The following TMED3 variants were observed in gnomAD, a reference collection of about 807,000 sequenced individuals.
The protein encoded by TMED3 is transmembrane emp24 domain-containing protein 3.
Under a neutral mutation model 15.0 loss-of-function variants are expected in TMED3, and 9 were observed. The ratio of observed to expected loss-of-function variants is 0.60; its 90% CI spans 0.36 to 1.04. The LOEUF (loss-of-function observed/expected upper bound fraction) is 1.04. TMED3 is among the 50% of genes least tolerant of loss of function. The probability of loss-of-function intolerance (pLI) is 0.01; values close to 1 mark genes in which losing one functional copy is unlikely to be tolerated. For missense variants in TMED3, 267 were observed against 278.9 expected (o/e 0.96, Z 0.30); for synonymous variants, 117 against 121.4 (o/e 0.96, Z 0.24).
At chr15:79,384,627 G>C (rs1341462963) in intron 2 of TMED3, 1 of 152,238 alleles carries the variant, frequency 6.6e-6, no homozygotes, top group Non-Finnish European at 1.5e-5. Flanking sequence ...ACTCAAGTAG[G>C]TGATGAGATT....
chr15:79,311,545 G>A, intron 1 of TMED3, 128 bp downstream of exon 1: 1 of 1,173,118 alleles, frequency 8.5e-7, no homozygotes, highest in South Asian at 1.6e-5. Flanking sequence ...TGGGGTGGGA[G>A]TCCCCGGAGA....
intron 2 of TMED3, among the ~76,000 whole-genome samples, chr15:79,410,184 A>G (rs1022557882): frequency 2.6e-5 from 4 of 152,200 alleles, no homozygotes; most frequent in African/African-American, 7.2e-5. Flanking sequence ...ATAATTCTAT[A>G]TGCTTAGAAT....
intron 2 of TMED3, among the ~76,000 whole-genome samples, chr15:79,343,604 A>G (rs2058858832): frequency 6.6e-6 from 1 of 152,014 alleles, no homozygotes; most frequent in African/African-American, 2.4e-5. Context: ...AAGGGTCACT[A>G]TGGCTGCTTT....
At chr15:79,319,085 T>C (rs1379569870) in intron 2 of TMED3, among the ~76,000 whole-genome samples, 1 of 152,170 alleles carries the variant, frequency 6.6e-6, no homozygotes, top group Non-Finnish European at 1.5e-5. Context: ...AGGACAGAGG[T>C]ACTCATGGGG....
intron 2 of TMED3, among the ~76,000 whole-genome samples, chr15:79,343,107 G>C (rs974034622): frequency 3.9e-5 from 6 of 152,262 alleles, no homozygotes; most frequent in African/African-American, 9.6e-5. Flanking sequence ...ATGGAGATAA[G>C]AATTGGTGTG....
chr15:79,386,166 G>A (rs909739500), intron 2 of TMED3, among the ~76,000 whole-genome samples: 4 of 152,160 alleles, frequency 2.6e-5, no homozygotes, highest in South Asian at 2.1e-4. Context: ...TAATGGGTAC[G>A]GAGTTTCAGT....
intron 2 of TMED3, among the ~76,000 whole-genome samples, chr15:79,393,934 C>T (rs1275859511): frequency 3.9e-5 from 6 of 152,126 alleles, no homozygotes; most frequent in African/African-American, 1.4e-4. Flanking sequence ...TGAGCTCAAG[C>T]GATCCTCCCA....
intron 2 of TMED3, among the ~76,000 whole-genome samples, chr15:79,395,098 T>G (rs960276533): frequency 6.6e-6 from 1 of 152,234 alleles, no homozygotes; most frequent in Admixed American, 6.5e-5. Flanking sequence ...TGCCTTCTGT[T>G]GGCCTGATAA....
intron 2 of TMED3, chr15:79,384,380 A>C (rs746994665): frequency 2.6e-5 from 4 of 152,242 alleles, no homozygotes; most frequent in Non-Finnish European, 4.4e-5. Flanking sequence ...AAAGATATAT[A>C]CATCATTGTC....
intron 2 of TMED3, among the ~76,000 whole-genome samples, chr15:79,341,195 CAAAAAAAAAA>C (rs58885572): frequency 1.7e-5 from 1 of 58,346 alleles, no homozygotes; most frequent in Non-Finnish European, 2.8e-5. Flanking sequence ...GACCCTGTCT[CAAAAAAAAAA>C]AAAAAAAAAA....
At chr15:79,391,951 T>G (rs899755564) in intron 2 of TMED3, among the ~76,000 whole-genome samples, 1 of 152,212 alleles carries the variant, frequency 6.6e-6, no homozygotes. Context: ...TTTCCACCCT[T>G]TCAGTTTAAG....
intron 2 of TMED3, among the ~76,000 whole-genome samples, chr15:79,347,707 CA>C (rs1211678328): frequency 1.3e-5 from 2 of 152,084 alleles, no homozygotes; most frequent in Non-Finnish European, 2.9e-5. Context: ...AATCAATGTG[CA>C]AAAATTACTA....
chr15:79,407,082 T>C (rs192261880), intron 2 of TMED3, among the ~76,000 whole-genome samples: 7 of 152,344 alleles, frequency 4.6e-5, no homozygotes, highest in Non-Finnish European at 2.9e-5. Context: ...GTGGGCTCTC[T>C]GGTCTCAGTG....
exon 3 of TMED3, chr15:79,411,498 C>T (rs1050839950): frequency 2.8e-6 from 2 of 702,314 alleles, no homozygotes; most frequent in South Asian, 1.5e-5. Flanking sequence ...GACTGGCACC[C>T]TCCTAACAGA....
chr15:79,372,558 G>A (rs1409448504), intron 2 of TMED3, among the ~76,000 whole-genome samples: 1 of 152,200 alleles, frequency 6.6e-6, no homozygotes, highest in Admixed American at 6.5e-5. Flanking sequence ...AAGAACAAAG[G>A]CACATCTTAT....
downstream of TMED3, among the ~76,000 whole-genome samples, chr15:79,325,913 C>T (rs1279021473): frequency 6.7e-6 from 1 of 149,184 alleles, no homozygotes; most frequent in Non-Finnish European, 1.5e-5. Context: ...TGCTGGCAGC[C>T]GATTGAATGG....
intron 2 of TMED3, among the ~76,000 whole-genome samples, chr15:79,376,206 T>C (rs1035152083): frequency 1.4e-5 from 2 of 145,754 alleles, no homozygotes; most frequent in East Asian, 4.1e-4. Flanking sequence ...GCCTCCCGGG[T>C]TCACGCAAGA....
At chr15:79,370,450 A>G (rs1471887095) in intron 2 of TMED3, among the ~76,000 whole-genome samples, 6 of 151,872 alleles carry the variant, frequency 4.0e-5, no homozygotes, top group African/African-American at 1.5e-4. Context: ...AGCCCCAGCG[A>G]TGGGCTCCGG....
intron 2 of TMED3, chr15:79,383,335 T>G: frequency 3.1e-6 from 1 of 319,364 alleles, no homozygotes. Flanking sequence ...AGAAAAGAAA[T>G]GTATTGAGTA....
Sources: gnomAD v4.1 joint callset for allele counts (sites outside exome capture counted in the v4.1 genomes callset) on GRCh38, gnomAD v4.1.1 for gene constraint, MANE v1.5 for transcripts, NCBI Gene and HGNC (gene_info 2026-07-23, HGNC 2026-07-21) for gene names.